Variants in CAPN8 observed in about 807,000 individuals in gnomAD.
The protein encoded by CAPN8 is calpain 8.
CAPN8 carries 87 observed loss-of-function variants against 80.9 expected under a neutral mutation model. The ratio of observed to expected loss-of-function variants is 1.07; its 90% CI spans 0.90 to 1.28. The LOEUF (loss-of-function observed/expected upper bound fraction) is 1.28, where lower values mean the gene tolerates loss of function less well. CAPN8 is among the 50% of genes most tolerant of loss of function. The pLI is 0.00. For synonymous variants in CAPN8, 299 were observed against 273.8 expected, an observed-to-expected ratio of 1.09 and a Z score of -0.91; for missense variants, 757 against 702.0, an observed-to-expected ratio of 1.08 and a Z score of -0.89.
rs1001159833 is a variant in CAPN8 at position 223,609,148 on chromosome 1, C to T, written c.1535+5G>A. On this transcript the variant is annotated splice_donor_5th_base_variant and intron_variant, in intron 12 of 20. Transcript: ENST00000366872. ...GTTCCCCACCACGGAGGGAAGGAGA[C>T]GCACAGGGCCTGGGCCTTCTTCTCT... The T allele has an allele frequency of 6.5e-5, 26 of 398,362 alleles. No individual in the cohort carries two copies. Among genetic ancestry groups the T allele is most frequent in the Middle Eastern group, 6.3e-4 (1 of 1,590 alleles). 24.7% of individuals were successfully genotyped at this position (398,362 alleles called of 1,614,324 possible).
intron 20 of CAPN8, among the ~76,000 whole-genome samples, chr1:223,542,245 A>G (rs1656486989): frequency 6.8e-6 from 1 of 147,542 alleles, no homozygotes; most frequent in African/African-American, 2.5e-5. Flanking sequence ...ATCTTTTCCT[A>G]TATATGTATT....
At chr1:223,624,305 A>C (rs73119747) in intron 6 of CAPN8, among the ~76,000 whole-genome samples, 6,358 of 152,312 alleles carry the variant, frequency 0.042, 359 homozygotes, top group East Asian at 0.15. Context: ...TGCCTTGGCC[A>C]TTGGGAAGCC....
In CAPN8 at chr1:223,660,227, T is replaced by C. The variant is rs189491930; in HGVS notation, c.237+5183A>G. Among the ~76,000 whole-genome samples the C allele has an allele frequency of 3.5e-3, 532 of 152,276 alleles. 3 individuals are homozygous for C. The highest frequency in any genetic ancestry group is 0.012 in the African/African-American group (504 of 41,548). ...TCCTTAAGATCAATAAACCACTTAA[T>C]TGCCAAAAAGTGGACACTTCAGGGA... On this transcript the variant is annotated intron_variant, in intron 1 of 20. Transcript: ENST00000366872.
intron 9 of CAPN8, chr1:223,617,103 A>C (rs572994507): frequency 6.6e-6 from 1 of 152,192 alleles, no homozygotes; most frequent in Admixed American, 6.5e-5. Flanking sequence ...TGTGCCCGGG[A>C]GGAAAAAAGA....
intron 2 of CAPN8, among the ~76,000 whole-genome samples, chr1:223,651,627 C>A (rs79069899): frequency 1.3e-5 from 2 of 152,106 alleles, no homozygotes; most frequent in Non-Finnish European, 2.9e-5. Context: ...GCCTAACACA[C>A]CCAATATGAA....
Position 223,543,302 on chromosome 1 carries a change from C to T in CAPN8, c.2030-136G>A, listed in dbSNP as rs528466797. On this transcript the variant is annotated intron_variant, in intron 19 of 20. Coordinates refer to ENST00000366872, the MANE Select transcript of CAPN8 (RefSeq NM_001143962.2). ...CCTACCACCCCCTCCCCTCCAGCCC[C>T]CACCTAGGCCCAGGGGCCTCAAAAA... 812 of 1,026,196 alleles carry T rather than the reference C, an allele frequency of 7.9e-4. 2 individuals are homozygous for T. The highest frequency in any genetic ancestry group is 1.6e-3 in the Middle Eastern group (5 of 3,148). The allele number at this position is 1,026,196 out of a possible 1,614,324, so 63.6% of individuals were successfully genotyped here. A position where few individuals can be genotyped will look rare whatever the true frequency, so the allele number is the denominator to read the frequency against.
At chr1:223,620,055 C>T in intron 8 of CAPN8, 137 bp downstream of exon 8, 2 of 753,038 alleles carry the variant, frequency 2.7e-6, no homozygotes, top group Non-Finnish European at 4.5e-6. Context: ...TATACCAGGA[C>T]AAAAGGAGAA....
chr1:223,625,770 AC>A, intron 6 of CAPN8, 34 bp downstream of exon 6: 1 of 1,500,764 alleles, frequency 6.7e-7, no homozygotes, highest in Non-Finnish European at 9.1e-7. Flanking sequence ...AAATATTATC[AC>A]ACGTTACCTT....
chr1:223,622,882 G>C lies in CAPN8; in HGVS notation c.832C>G (p.Pro278Ala). Residue 278 changes from proline (P) to alanine (A), a missense_variant, in exon 7 of 21, where the codon CCA (proline) becomes GCA (alanine). Pro to Ala is a conservative substitution (Grantham distance 27). Transcript: ENST00000366872. ...TTCCTGAGTCTGATCAGCTTCTCTG[G>C]ATGGCCCTGGAAATTCACCTGCAAA... Reference protein sequence around the residue: ...GVEEVNFQGHPEKLIRLRNPW... With the variant: ...GVEEVNFQGHAEKLIRLRNPW... 1 of 1,551,678 alleles carries C rather than the reference G, an allele frequency of 6.4e-7. No individual in the cohort carries two copies. The highest frequency in any genetic ancestry group is 8.7e-7 in the Non-Finnish European group (1 of 1,146,926).
intron 2 of CAPN8, among the ~76,000 whole-genome samples, chr1:223,647,361 A>T (rs1215779595): frequency 3.3e-5 from 5 of 152,212 alleles, no homozygotes; most frequent in African/African-American, 1.2e-4. Context: ...GGCTTGCTTT[A>T]TCCTATGTAA....
chr1:223,556,941 G>A (rs1046031495), intron 13 of CAPN8, among the ~76,000 whole-genome samples: 1 of 152,062 alleles, frequency 6.6e-6, no homozygotes, highest in Non-Finnish European at 1.5e-5. Context: ...TGAGGCGAGG[G>A]GTAGGAGGGA....
intron 19 of CAPN8, 102 bp downstream of exon 19, chr1:223,543,965 G>C: frequency 1.5e-6 from 1 of 645,898 alleles, no homozygotes. Flanking sequence ...CTGGGTCCCT[G>C]GCCTCCTAAA....
intron 2 of CAPN8, chr1:223,642,641 G>A: frequency 5.3e-6 from 2 of 375,922 alleles, no homozygotes; most frequent in Non-Finnish European, 1.0e-5. Flanking sequence ...AACAGGAAAG[G>A]CTGACGGGTC....
intron 7 of CAPN8, chr1:223,622,591 A>G: frequency 1.8e-6 from 1 of 554,552 alleles, no homozygotes. Context: ...CAAACTTTCA[A>G]ATGCCAAAGC....
At chr1:223,554,146 T>A (rs1656857681) in intron 13 of CAPN8, among the ~76,000 whole-genome samples, 1 of 152,154 alleles carries the variant, frequency 6.6e-6, no homozygotes, top group African/African-American at 2.4e-5. Context: ...TCTCTCTAAG[T>A]GATTTGGGGA....
intron 2 of CAPN8, among the ~76,000 whole-genome samples, chr1:223,649,952 T>A (rs1658302454): frequency 1.3e-5 from 2 of 152,072 alleles, no homozygotes; most frequent in African/African-American, 4.8e-5. Flanking sequence ...AAGTGTCAAC[T>A]CTCTATCCAT....
chr1:223,545,032 TG>T lies in CAPN8; in HGVS notation c.1834-183del. The stretch of plus-strand genomic sequence containing the variant: ...GCTTGGCCAGTGCTGGCCCCTTTGC[TG>T]TCTGAACAGCAGGGCTTTCAGGGCA... On this transcript the variant is annotated intron_variant, in intron 17 of 20. Transcript: ENST00000366872. The T allele has an allele frequency of 2.1e-6, 3 of 1,404,312 alleles. No individual in the cohort carries two copies. In the South Asian group the frequency reaches 4.4e-5, roughly 21 times the overall value. The allele number at this position is 1,404,312 out of a possible 1,614,324, so 87.0% of individuals were successfully genotyped here.
chr1:223,625,536 A>G (rs957206693), intron 6 of CAPN8, among the ~76,000 whole-genome samples: 7 of 152,050 alleles, frequency 4.6e-5, no homozygotes, highest in Non-Finnish European at 1.0e-4. Flanking sequence ...GCCTCAAGTA[A>G]TCTTCCCACT....
In CAPN8 at chr1:223,619,558, C is replaced by T. The variant is rs1028278961; in HGVS notation, c.975-105G>A. Reference sequence around the variant, plus strand: ...AGCCCTGTGGCACAGGCCCTAGAGGCCGTGGGCTAGCTTGATCTTTCCTAC... The same window carrying T: ...AGCCCTGTGGCACAGGCCCTAGAGGTCGTGGGCTAGCTTGATCTTTCCTAC... On this transcript the variant is annotated intron_variant, in intron 8 of 20. Transcript: ENST00000366872. 3.9e-5 allele frequency: 48 copies of T among 1,232,044 alleles called. No homozygotes were observed. The South Asian group carries it at 6.6e-4, about 17-fold the overall frequency. The allele number at this position is 1,232,044 out of a possible 1,614,324, so 76.3% of individuals were successfully genotyped here.
Sources: gnomAD v4.1 joint callset for allele counts (sites outside exome capture counted in the v4.1 genomes callset) on GRCh38, gnomAD v4.1.1 for gene constraint, MANE v1.5 for transcripts, NCBI Gene and HGNC (gene_info 2026-07-23, HGNC 2026-07-21) for gene names.